Variants in SLIT3 observed in about 807,000 individuals in gnomAD.
SLIT3 encodes the protein slit guidance ligand 3, also known as slit homolog 3 protein.
A neutral mutation model predicts 184.0 loss-of-function variants in SLIT3; 68 were observed. The observed-to-expected ratio is 0.37, with a 90% CI of 0.30 to 0.45. SLIT3 has a LOEUF of 0.45. Ranked by LOEUF, SLIT3 falls within the 20% of genes least tolerant of loss-of-function variation. The pLI, the probability that SLIT3 is intolerant of heterozygous loss-of-function variation, is 1.00. For synonymous variants in SLIT3, 831 were observed against 828.6 expected (o/e 1.00, Z -0.05); for missense variants, 1,707 against 2,026.0 (o/e 0.84, Z 3.02).
chr5:168,808,426 T>C (rs576745167), intron 8 of SLIT3, among the ~76,000 whole-genome samples: 7 of 152,300 alleles, frequency 4.6e-5, no homozygotes, highest in African/African-American at 1.7e-4. Flanking sequence ...GCCTCAGTTT[T>C]CCCATCTGTA....
intron 14 of SLIT3, 113 bp downstream of exon 14, chr5:168,772,668 T>C: frequency 8.7e-7 from 1 of 1,143,598 alleles, no homozygotes; most frequent in Non-Finnish European, 1.3e-6. Context: ...TTTGCAAAGA[T>C]GCTCCCCAGG....
At chr5:168,849,802 C>T (rs537796920) in intron 5 of SLIT3, among the ~76,000 whole-genome samples, 9 of 152,150 alleles carry the variant, frequency 5.9e-5, no homozygotes, top group Non-Finnish European at 7.4e-5. Flanking sequence ...TTTTTCTAGA[C>T]GGAGGAGAAA....
intron 5 of SLIT3, among the ~76,000 whole-genome samples, chr5:168,851,119 C>T (rs531007034): frequency 1.3e-5 from 2 of 151,984 alleles, no homozygotes; most frequent in Non-Finnish European, 2.9e-5. Flanking sequence ...GTCAGAAGAT[C>T]GAGACCATCC....
At chr5:168,747,291 A>T (rs1223244518) in intron 20 of SLIT3, among the ~76,000 whole-genome samples, 7 of 152,112 alleles carry the variant, frequency 4.6e-5, no homozygotes, top group Non-Finnish European at 8.8e-5. Context: ...CATTTTTCAC[A>T]GTTGTCACTT....
chr5:169,175,270 G>T (rs1762944903), intron 4 of SLIT3, among the ~76,000 whole-genome samples: 1 of 152,192 alleles, frequency 6.6e-6, no homozygotes, highest in South Asian at 2.1e-4. Context: ...CATTTACACA[G>T]TGAATACTGA....
At chr5:169,151,229 A>C (rs1327875577) in intron 4 of SLIT3, among the ~76,000 whole-genome samples, 1 of 152,168 alleles carries the variant, frequency 6.6e-6, no homozygotes, top group Non-Finnish European at 1.5e-5. Flanking sequence ...TCAGCACAGC[A>C]GGTGGCCCTT....
chr5:168,955,472 C>G (rs1180528897), intron 4 of SLIT3, among the ~76,000 whole-genome samples: 2 of 152,260 alleles, frequency 1.3e-5, no homozygotes, highest in African/African-American at 2.4e-5. Context: ...AGCCTGTTCA[C>G]TCGTTCAGGC....
At chr5:168,728,363 A>C (rs1693639697) in intron 20 of SLIT3, among the ~76,000 whole-genome samples, 1 of 151,840 alleles carries the variant, frequency 6.6e-6, no homozygotes, top group African/African-American at 2.4e-5. Flanking sequence ...TGACTGCTAC[A>C]CCAGATGTTC....
chr5:169,105,026 C>T (rs1405310177), intron 4 of SLIT3, among the ~76,000 whole-genome samples: 1 of 152,178 alleles, frequency 6.6e-6, no homozygotes, highest in African/African-American at 2.4e-5. Context: ...TAGATGCTGG[C>T]ACAGGTTCAG....
intron 4 of SLIT3, among the ~76,000 whole-genome samples, chr5:168,938,637 A>AT (rs1438180174): frequency 2.6e-5 from 4 of 151,976 alleles, no homozygotes; most frequent in African/African-American, 9.7e-5. Flanking sequence ...AATGATTATT[A>AT]TTATTTTTTT....
chr5:168,677,834 A>G (rs1761460037), intron 32 of SLIT3, among the ~76,000 whole-genome samples: 1 of 151,910 alleles, frequency 6.6e-6, no homozygotes, highest in African/African-American at 2.4e-5. Context: ...CCTTGACCTT[A>G]CTCTGGGCTT....
intron 4 of SLIT3, among the ~76,000 whole-genome samples, chr5:168,933,168 T>C (rs1320173982): frequency 2.0e-5 from 3 of 152,140 alleles, no homozygotes; most frequent in Non-Finnish European, 2.9e-5. Context: ...TGAGGGTATT[T>C]AATAACATTA....
At chr5:169,214,851 G>A (rs1420890831) in intron 3 of SLIT3, among the ~76,000 whole-genome samples, 3 of 152,106 alleles carry the variant, frequency 2.0e-5, no homozygotes, top group East Asian at 1.9e-4. Context: ...CACTCATGAT[G>A]TGCAATCAAT....
intron 4 of SLIT3, among the ~76,000 whole-genome samples, chr5:169,092,429 G>A (rs1759627540): frequency 2.0e-5 from 3 of 152,080 alleles, no homozygotes; most frequent in African/African-American, 4.8e-5. Context: ...CCATTCCATT[G>A]TATTCCATCC....
intron 4 of SLIT3, among the ~76,000 whole-genome samples, chr5:169,052,886 A>G (rs968925564): frequency 3.4e-5 from 5 of 148,628 alleles, no homozygotes; most frequent in Admixed American, 3.3e-4. Flanking sequence ...CCCTCACCCC[A>G]CTCTGTTTCA....
At chr5:168,979,904 G>T (rs952374832) in intron 4 of SLIT3, among the ~76,000 whole-genome samples, 1 of 152,062 alleles carries the variant, frequency 6.6e-6, no homozygotes, top group African/African-American at 2.4e-5. Flanking sequence ...GTTTTGCTGG[G>T]GATCAGCAGA....
rs144681845 is a variant in SLIT3 at position 168,918,087 on chromosome 5, CT to C, written c.414-34752del. 7.2e-3 allele frequency among the ~76,000 whole-genome samples: 1,098 copies of C among 151,532 alleles called. 12 individuals are homozygous for C. Among genetic ancestry groups the C allele is most frequent in the African/African-American group, 0.019 (780 of 41,318 alleles). ...GAGTTAAATCCTCTTCTCCCTCTCCCTTTTTTTTTCCCAACATCCTGGTGCT... is the reference window on the plus strand; with the variant it reads ...GAGTTAAATCCTCTTCTCCCTCTCCCTTTTTTTTCCCAACATCCTGGTGCT... On this transcript the variant is annotated intron_variant, in intron 4 of 35. Coordinates refer to ENST00000519560, the MANE Select transcript of SLIT3 (RefSeq NM_003062.4).
chr5:169,065,055 A>G (rs1758303649), intron 4 of SLIT3, among the ~76,000 whole-genome samples: 1 of 152,232 alleles, frequency 6.6e-6, no homozygotes, highest in South Asian at 2.1e-4. Context: ...TCCTTGAAGA[A>G]CCAGAAGCAC....
chr5:169,111,246 C>A (rs1352145975), intron 4 of SLIT3, among the ~76,000 whole-genome samples: 1 of 152,226 alleles, frequency 6.6e-6, no homozygotes, highest in African/African-American at 2.4e-5. Context: ...GCCTCCAGAA[C>A]TGTGAGACTA....
Sources: gnomAD v4.1 joint callset for allele counts (sites outside exome capture counted in the v4.1 genomes callset) on GRCh38, gnomAD v4.1.1 for gene constraint, MANE v1.5 for transcripts, NCBI Gene and HGNC (gene_info 2026-07-23, HGNC 2026-07-21) for gene names.